The following L3MBTL4 variants were observed in gnomAD, a reference collection of about 807,000 sequenced individuals.
The protein encoded by L3MBTL4 is lethal(3)malignant brain tumor-like protein 4.
Under a neutral mutation model 84.5 loss-of-function variants are expected in L3MBTL4, and 70 were observed. The observed-to-expected ratio is 0.83, with a 90% CI of 0.68 to 1.01. The LOEUF (loss-of-function observed/expected upper bound fraction) is 1.01. L3MBTL4 is among the 50% of genes least tolerant of loss of function. L3MBTL4 has a pLI of 0.00. For synonymous variants in L3MBTL4, 274 were observed against 259.8 expected, an observed-to-expected ratio of 1.05 and a Z score of -0.52; for missense variants, 715 against 754.8, an observed-to-expected ratio of 0.95 and a Z score of 0.62.
At chr18:6,363,643 A>G (rs2053809915) in intron 1 of L3MBTL4, among the ~76,000 whole-genome samples, 1 of 151,670 alleles carries the variant, frequency 6.6e-6, no homozygotes, top group South Asian at 2.1e-4. Flanking sequence ...CCTCACAGTA[A>G]TTCCAAGAAG....
rs535975438 is a variant in L3MBTL4 at position 5,957,747 on chromosome 18, C to T, written c.1678-1360G>A. Among the ~76,000 whole-genome samples the T allele has an allele frequency of 5.9e-5, 9 of 151,944 alleles. No individual in the cohort carries two copies. The East Asian group carries it at 1.2e-3, about 20-fold the overall frequency. The stretch of plus-strand genomic sequence containing the variant: ...GAGGTGGGCAGATCAATTGAGGTCA[C>T]GAGTTTGAGACCAGCCTGGCCAACA... On this transcript the variant is annotated intron_variant, in intron 18 of 18. Transcript: ENST00000317931.
chr18:6,392,220 A>T (rs1289209712), intron 1 of L3MBTL4, among the ~76,000 whole-genome samples: 9 of 152,178 alleles, frequency 5.9e-5, no homozygotes, highest in Non-Finnish European at 1.0e-4. Context: ...AAAAGCATAC[A>T]GCAACATAAA....
At chr18:6,216,944 T>G (rs527325043) in intron 10 of L3MBTL4, among the ~76,000 whole-genome samples, 1 of 152,298 alleles carries the variant, frequency 6.6e-6, no homozygotes, top group Non-Finnish European at 1.5e-5. Context: ...CAACAATTTT[T>G]AAAAAACAGA....
intron 16 of L3MBTL4, among the ~76,000 whole-genome samples, chr18:5,977,476 C>T (rs1365309635): frequency 1.3e-5 from 2 of 152,204 alleles, no homozygotes; most frequent in East Asian, 3.9e-4. Context: ...CATCAGGCTC[C>T]CTGTGCCTTG....
chr18:6,356,122 T>C (rs1246237355), intron 1 of L3MBTL4, among the ~76,000 whole-genome samples: 1 of 152,248 alleles, frequency 6.6e-6, no homozygotes, highest in African/African-American at 2.4e-5. Flanking sequence ...ACCTGGGCTT[T>C]CTGTGTCTGT....
At chr18:6,056,576 AAGGCTCTCTATGCGAC>A (rs1194831500) in intron 16 of L3MBTL4, among the ~76,000 whole-genome samples, 1 of 152,090 alleles carries the variant, frequency 6.6e-6, no homozygotes, top group Non-Finnish European at 1.5e-5. Context: ...GAGGTAGAGA[AAGGCTCTCTATGCGAC>A]AGGCAAGGAG....
chr18:6,134,307 G>A (rs1054699165), intron 14 of L3MBTL4, among the ~76,000 whole-genome samples: 1 of 152,062 alleles, frequency 6.6e-6, no homozygotes, highest in East Asian at 1.9e-4. Flanking sequence ...GATTTCAGAG[G>A]GGACACAGCC....
chr18:6,322,222 G>A (rs1313118189), intron 1 of L3MBTL4, among the ~76,000 whole-genome samples: 2 of 151,746 alleles, frequency 1.3e-5, no homozygotes, highest in Admixed American at 1.3e-4. Context: ...GCCAGGCATG[G>A]CAGCACATGA....
At chr18:6,029,945 A>G in intron 16 of L3MBTL4, 1 of 985,438 alleles carries the variant, frequency 1.0e-6, no homozygotes, top group Non-Finnish European at 1.2e-6. Context: ...AGTCAAGCTG[A>G]CACCTACAGA....
chr18:6,120,682 C>G (rs2059495173), intron 14 of L3MBTL4, among the ~76,000 whole-genome samples: 1 of 152,136 alleles, frequency 6.6e-6, no homozygotes, highest in Non-Finnish European at 1.5e-5. Flanking sequence ...CCTTAAGAGA[C>G]TCATGTTTCC....
chr18:6,274,149 A>G (rs1318642493), intron 4 of L3MBTL4, among the ~76,000 whole-genome samples: 2 of 152,246 alleles, frequency 1.3e-5, no homozygotes, highest in Admixed American at 1.3e-4. Context: ...TACATGCCTT[A>G]AAGATTAAGG....
At chr18:6,405,683 A>T (rs1403579087) in intron 1 of L3MBTL4, among the ~76,000 whole-genome samples, 2 of 143,238 alleles carry the variant, frequency 1.4e-5, no homozygotes, top group Non-Finnish European at 3.0e-5. Flanking sequence ...CCCCCTAAAC[A>T]GCTCTTCCAG....
At chr18:5,980,038 G>A (rs2053133179) in intron 16 of L3MBTL4, among the ~76,000 whole-genome samples, 1 of 152,204 alleles carries the variant, frequency 6.6e-6, no homozygotes, top group East Asian at 1.9e-4. Context: ...CTTGTCCCTG[G>A]CACAGAAAGC....
chr18:6,288,334 A>T (rs2049691731), intron 4 of L3MBTL4, among the ~76,000 whole-genome samples: 1 of 152,256 alleles, frequency 6.6e-6, no homozygotes, highest in African/African-American at 2.4e-5. Context: ...TAAATAAATG[A>T]GTGCTCATAT....
chr18:6,196,438 T>TGC (rs1568297969), intron 12 of L3MBTL4, among the ~76,000 whole-genome samples: 1 of 152,152 alleles, frequency 6.6e-6, no homozygotes, highest in Non-Finnish European at 1.5e-5. Flanking sequence ...ATTACAGGCA[T>TGC]GAGCCACCGT....
intron 1 of L3MBTL4, among the ~76,000 whole-genome samples, chr18:6,368,863 G>A (rs935842810): frequency 6.6e-6 from 1 of 152,046 alleles, no homozygotes; most frequent in Non-Finnish European, 1.5e-5. Flanking sequence ...CCAACATGGT[G>A]AAACCCCGTC....
intron 14 of L3MBTL4, among the ~76,000 whole-genome samples, chr18:6,094,758 C>T (rs550938911): frequency 2.6e-5 from 4 of 152,152 alleles, no homozygotes; most frequent in African/African-American, 9.6e-5. Context: ...TAAACTGGAT[C>T]TTCTGGAGAA....
chr18:6,090,999 G>T (rs1375012046), intron 15 of L3MBTL4, among the ~76,000 whole-genome samples: 2 of 151,964 alleles, frequency 1.3e-5, no homozygotes, highest in Non-Finnish European at 2.9e-5. Context: ...ACTATTTTTG[G>T]ACAGCAGCCA....
At chr18:6,113,772 G>A (rs960849389) in intron 14 of L3MBTL4, among the ~76,000 whole-genome samples, 1 of 152,148 alleles carries the variant, frequency 6.6e-6, no homozygotes, top group Non-Finnish European at 1.5e-5. Flanking sequence ...TTGAGTTCAT[G>A]GCTATACTTA....
Sources: allele counts gnomAD v4.1 joint callset (sites outside exome capture counted in the v4.1 genomes callset), GRCh38; gene constraint gnomAD v4.1.1; transcripts MANE v1.5; gene names NCBI Gene and HGNC (gene_info 2026-07-23, HGNC 2026-07-21).